The following SCNN1B variants were observed in gnomAD, a reference collection of about 807,000 sequenced individuals.
SCNN1B encodes epithelial sodium channel subunit beta.
In SCNN1B, 46 loss-of-function variants were observed where a neutral mutation model predicts 65.3. The observed-to-expected ratio is 0.70, with a 90% confidence interval of 0.56 to 0.90. The LOEUF is 0.90. Ranked by LOEUF, SCNN1B falls within the 40% of genes least tolerant of loss-of-function variation. SCNN1B has a pLI of 0.00. For missense variants in SCNN1B, 751 were observed against 830.5 expected (o/e 0.90, Z 1.18); for synonymous variants, 349 against 330.6 (o/e 1.06, Z -0.60).
intron 2 of SCNN1B, among the ~76,000 whole-genome samples, 153 bp from the exon 3 acceptor site, chr16:23,352,648 A>G (rs1397723345): frequency 6.6e-6 from 1 of 152,190 alleles, no homozygotes; most frequent in South Asian, 2.1e-4. Flanking sequence ...ACTGTGAGTC[A>G]ATTATACCTC....
chr16:23,298,382 G>A (rs571192105), upstream of SCNN1B, among the ~76,000 whole-genome samples: 2 of 152,318 alleles, frequency 1.3e-5, no homozygotes, highest in African/African-American at 2.4e-5. Context: ...GCAGAGCAAG[G>A]CTACCCCATG....
At chr16:23,312,710 G>C (rs1961370771) in intron 1 of SCNN1B, among the ~76,000 whole-genome samples, 1 of 152,156 alleles carries the variant, frequency 6.6e-6, no homozygotes, top group African/African-American at 2.4e-5. Flanking sequence ...ATGTCTGAGT[G>C]GATGACAATC....
In SCNN1B at chr16:23,380,020, A is replaced by G. The variant is rs1347237922; in HGVS notation, c.1467-74A>G. ...CACGTGCATGTGTGTGCATGTGTCT[A>G]TGTGCGTGTGTGTGTGTCTGTCTGT... On this transcript the variant is annotated intron_variant, in intron 11 of 12. Transcript: ENST00000343070. This position sits in a 1 kb window ranked among gnomAD's most constrained non-coding sequence, Gnocchi z 5.4. 2.8e-6 allele frequency: 3 copies of G among 1,089,982 alleles called. No homozygotes were observed. Among genetic ancestry groups the G allele is most frequent in the Admixed American group, 3.4e-5 (2 of 59,128 alleles). 67.5% of individuals were successfully genotyped at this position (1,089,982 alleles called of 1,614,324 possible).
intron 4 of SCNN1B, among the ~76,000 whole-genome samples, chr16:23,366,141 T>C (rs1596878037): frequency 6.6e-6 from 1 of 152,378 alleles, no homozygotes; most frequent in Middle Eastern, 3.4e-3. Context: ...TGACGTTTTA[T>C]GTGTGTGCAT....
chr16:23,369,321 C>G (rs1418735857), intron 5 of SCNN1B, among the ~76,000 whole-genome samples: 1 of 152,140 alleles, frequency 6.6e-6, no homozygotes, highest in Non-Finnish European at 1.5e-5. Flanking sequence ...TGGGCTCAAG[C>G]AATCTGCCCT....
chr16:23,348,592 G>A lies in SCNN1B; in HGVS notation c.-8G>A. ...TGTGCGTCCCCATGCCTCTCTGCAG[G>A]TGCCACTATGCACGTGAAGAAGTAC... On this transcript the variant is annotated splice_region_variant and 5_prime_UTR_variant, in exon 2 of 13. The change creates a new upstream start codon in the 5' untranslated region. Coordinates refer to ENST00000343070, the MANE Select transcript of SCNN1B (RefSeq NM_000336.3). This position sits in a 1 kb window ranked among gnomAD's most constrained non-coding sequence, Gnocchi z 4.5. The A allele has an allele frequency of 6.2e-7, 1 of 1,612,418 alleles. No homozygotes were observed. Among genetic ancestry groups the A allele is most frequent in the Non-Finnish European group, 8.5e-7 (1 of 1,179,840 alleles).
intron 11 of SCNN1B, among the ~76,000 whole-genome samples, chr16:23,379,865 C>T (rs1039737801): frequency 2.6e-5 from 4 of 152,206 alleles, no homozygotes; most frequent in Non-Finnish European, 4.4e-5. Context: ...TGGACCTCCC[C>T]ACTCACGGGG....
chr16:23,282,151 A>G (rs1420423628), intron 1 of SCNN1B, among the ~76,000 whole-genome samples: 1 of 152,208 alleles, frequency 6.6e-6, no homozygotes, highest in Non-Finnish European at 1.5e-5. Context: ...GGGTACATTA[A>G]AAACCCAGAT....
intron 1 of SCNN1B, among the ~76,000 whole-genome samples, chr16:23,334,123 A>G (rs1961886449): frequency 6.6e-6 from 1 of 152,264 alleles, no homozygotes; most frequent in Admixed American, 6.5e-5. Flanking sequence ...TGGGACAGCC[A>G]CCAACATGCC....
chr16:23,305,039 C>T (rs1162515755), intron 1 of SCNN1B, among the ~76,000 whole-genome samples: 2 of 152,078 alleles, frequency 1.3e-5, no homozygotes, highest in African/African-American at 4.8e-5. Flanking sequence ...TTTGTGACTT[C>T]ATCCACACCC....
intron 1 of SCNN1B, chr16:23,323,499 T>A: frequency 1.4e-6 from 1 of 702,680 alleles, no homozygotes; most frequent in Non-Finnish European, 2.6e-6. Flanking sequence ...ATATTTACAA[T>A]TTAATCTTCA....
chr16:23,354,911 G>A (rs1596866079), intron 3 of SCNN1B, among the ~76,000 whole-genome samples: 1 of 152,166 alleles, frequency 6.6e-6, no homozygotes, highest in Non-Finnish European at 1.5e-5. Flanking sequence ...GTAGGGGTGA[G>A]GCTGGTGGCT....
At chr16:23,328,775 C>T (rs547814937) in intron 1 of SCNN1B, among the ~76,000 whole-genome samples, 20 of 152,194 alleles carry the variant, frequency 1.3e-4, no homozygotes, top group Admixed American at 9.8e-4. Flanking sequence ...ATACCTTGAG[C>T]GTTTATTTTT....
chr16:23,354,495 C>T (rs1158473229), intron 3 of SCNN1B, among the ~76,000 whole-genome samples: 2 of 152,216 alleles, frequency 1.3e-5, no homozygotes, highest in Admixed American at 6.5e-5. Flanking sequence ...CGTGTCTGTG[C>T]GATGACTTGG....
intron 1 of SCNN1B, among the ~76,000 whole-genome samples, chr16:23,308,514 C>T (rs962732891): frequency 1.3e-5 from 2 of 152,166 alleles, no homozygotes; most frequent in African/African-American, 4.8e-5. Flanking sequence ...TAGAATAAGG[C>T]CCTGTCTCTA....
intron 4 of SCNN1B, among the ~76,000 whole-genome samples, chr16:23,360,175 G>A (rs1029920681): frequency 1.3e-4 from 19 of 149,162 alleles, no homozygotes; most frequent in African/African-American, 4.2e-4. Context: ...TCCAGCCTGG[G>A]AGAGAGAGCG....
chr16:23,343,625 AAGAAAGAAAGAAAGAAAGAAAG>A (rs1266001134), intron 1 of SCNN1B, among the ~76,000 whole-genome samples: 2 of 134,686 alleles, frequency 1.5e-5, no homozygotes, highest in Non-Finnish European at 3.2e-5. Context: ...GAAAGAAAGA[AAGAAAGAAAGAAAGAAAGAAAG>A]AAAAAAAGAA....
intron 2 of SCNN1B, among the ~76,000 whole-genome samples, chr16:23,351,368 T>G (rs1466527876): frequency 2.0e-5 from 3 of 152,296 alleles, no homozygotes; most frequent in East Asian, 3.9e-4. Context: ...GCCCAAGATA[T>G]TAAGTGGCAT....
intron 3 of SCNN1B, among the ~76,000 whole-genome samples, chr16:23,354,767 A>G (rs767408112): frequency 6.6e-6 from 1 of 152,114 alleles, no homozygotes; most frequent in Non-Finnish European, 1.5e-5. Flanking sequence ...GAATCTATGT[A>G]TATGGGGTTC....
Sources: allele counts gnomAD v4.1 joint callset (sites outside exome capture counted in the v4.1 genomes callset), GRCh38; gene constraint gnomAD v4.1.1; non-coding constraint Gnocchi (gnomAD v3.1); transcripts MANE v1.5; gene names NCBI Gene and HGNC (gene_info 2026-07-23, HGNC 2026-07-21).